The following KLHDC4 variants were observed in gnomAD, a reference collection of about 807,000 sequenced individuals.
The protein encoded by KLHDC4 is kelch domain containing 4, also known as kelch domain-containing protein 4.
Under a neutral mutation model 62.4 loss-of-function variants are expected in KLHDC4, and 90 were observed. The ratio of observed to expected loss-of-function variants is 1.44; its 90% CI spans 1.22 to 1.72. KLHDC4 has a LOEUF of 1.72. Ranked by LOEUF, KLHDC4 falls within the 40% of genes most tolerant of loss-of-function variation. The pLI, the probability that KLHDC4 is intolerant of heterozygous loss-of-function variation, is 0.00. For synonymous variants in KLHDC4, 386 were observed against 284.4 expected (o/e 1.36, Z -3.59); for missense variants, 1,025 against 699.7 (o/e 1.47, Z -5.25).
chr16:87,755,336 T>A, intron 3 of KLHDC4, 44 bp from the exon 4 acceptor site: 1 of 1,021,344 alleles, frequency 9.8e-7, no homozygotes. Flanking sequence ...ATGATACGCT[T>A]CCAAGGAAGT....
intron 9 of KLHDC4, chr16:87,709,941 C>G (rs1052177724): frequency 2.1e-6 from 1 of 478,780 alleles, no homozygotes; most frequent in Non-Finnish European, 3.7e-6. Flanking sequence ...CACACCTCCA[C>G]TGAGAGGTGG....
Position 87,707,958 on chromosome 16 carries a change from C to A in KLHDC4, c.*119G>T, listed in dbSNP as rs547573485. Reference sequence around the variant, plus strand: ...TCACACCCTGGCCTGGGCCACCCACCTTCAGCTCTCTCCTGTGCGTCAGGA... The same window carrying A: ...TCACACCCTGGCCTGGGCCACCCACATTCAGCTCTCTCCTGTGCGTCAGGA... On this transcript the variant is annotated 3_prime_UTR_variant, in exon 12 of 12. Transcript: ENST00000270583. 2.1e-5 allele frequency: 10 copies of A among 469,468 alleles called. No homozygotes were observed. Among genetic ancestry groups the A allele is most frequent in the South Asian group, 1.5e-4 (10 of 64,670 alleles). The allele number at this position is 469,468 out of a possible 1,614,324, so 29.1% of individuals were successfully genotyped here. A position where few individuals can be genotyped will look rare whatever the true frequency, so the allele number is the denominator to read the frequency against.
rs148947269 is a variant in KLHDC4 at position 87,748,112 on chromosome 16, T to C, written c.506+561A>G. Among the ~76,000 whole-genome samples the C allele has an allele frequency of 3.5e-3, 526 of 152,282 alleles. 5 individuals carry two copies. The highest frequency in any genetic ancestry group is 0.012 in the African/African-American group (508 of 41,554). ...GGCTCTCTACACGGAGAGACAAACATGTAGCTCTTGACTAATGGGAGACAC... is the reference window on the plus strand; with the variant it reads ...GGCTCTCTACACGGAGAGACAAACACGTAGCTCTTGACTAATGGGAGACAC... On this transcript the variant is annotated intron_variant, in intron 5 of 11. Coordinates refer to ENST00000270583, the MANE Select transcript of KLHDC4 (RefSeq NM_017566.4).
chr16:87,698,797 C>G (rs1468753207), exon 1 of KLHDC4: 4 of 152,306 alleles, frequency 2.6e-5, no homozygotes, highest in African/African-American at 4.8e-5. Flanking sequence ...AGTCCCTCCG[C>G]CCAGGCCCAG....
downstream of KLHDC4, among the ~76,000 whole-genome samples, chr16:87,707,407 C>T (rs925888538): frequency 5.3e-5 from 8 of 152,344 alleles, no homozygotes; most frequent in African/African-American, 7.2e-5. Context: ...AGAGACCACG[C>T]GGCGGCAGGT....
At chr16:87,732,736 C>G (rs1295259636) in intron 5 of KLHDC4, among the ~76,000 whole-genome samples, 2 of 152,262 alleles carry the variant, frequency 1.3e-5, no homozygotes, top group African/African-American at 2.4e-5. Flanking sequence ...CGTGAAAAGG[C>G]AGGTCCAAAG....
At chr16:87,716,088 C>T (rs187928673) in intron 7 of KLHDC4, among the ~76,000 whole-genome samples, 14 of 152,196 alleles carry the variant, frequency 9.2e-5, no homozygotes, top group Admixed American at 6.5e-5. Context: ...CTCTATGTCT[C>T]GTGGATACTG....
At chr16:87,739,627 C>T (rs984409189) in intron 5 of KLHDC4, 1 of 152,480 alleles carries the variant, frequency 6.6e-6, no homozygotes, top group Non-Finnish European at 1.4e-5. Flanking sequence ...GCACGTCATC[C>T]ATCCACACAC....
At chr16:87,747,228 G>T (rs149920138) in intron 5 of KLHDC4, among the ~76,000 whole-genome samples, 1 of 152,334 alleles carries the variant, frequency 6.6e-6, no homozygotes, top group East Asian at 1.9e-4. Context: ...TGCTGGGTTG[G>T]GTGCTGGGTT....
intron 2 of KLHDC4, among the ~76,000 whole-genome samples, chr16:87,757,641 G>C (rs1438615524): frequency 6.6e-6 from 1 of 152,066 alleles, no homozygotes; most frequent in Non-Finnish European, 1.5e-5. Flanking sequence ...TGTAATCCCA[G>C]CACTTTGGGA....
chr16:87,721,735 T>C (rs899917258), intron 7 of KLHDC4, among the ~76,000 whole-genome samples: 4 of 152,242 alleles, frequency 2.6e-5, no homozygotes, highest in Non-Finnish European at 2.9e-5. Context: ...GCCAGCATGC[T>C]CCACGGCCTC....
At chr16:87,726,161 C>G (rs1021969626) in intron 7 of KLHDC4, among the ~76,000 whole-genome samples, 1 of 151,934 alleles carries the variant, frequency 6.6e-6, no homozygotes, top group African/African-American at 2.4e-5. Context: ...CAGACAGCAG[C>G]GCCTATTTTC....
At chr16:87,715,035 G>T (rs992950534) in intron 7 of KLHDC4, among the ~76,000 whole-genome samples, 1 of 152,150 alleles carries the variant, frequency 6.6e-6, no homozygotes, top group Non-Finnish European at 1.5e-5. Context: ...TCCAAGCTTC[G>T]AAAACAACGC....
chr16:87,729,407 G>C (rs1042466571), intron 6 of KLHDC4: 2 of 152,190 alleles, frequency 1.3e-5, no homozygotes, highest in African/African-American at 4.8e-5. Context: ...TGAGGCCCCG[G>C]AGATACAGAC....
Position 87,732,814 on chromosome 16 carries a change from G to C in KLHDC4, c.507-2170C>G, listed in dbSNP as rs181427141. On this transcript the variant is annotated intron_variant, in intron 5 of 11. Transcript: ENST00000270583. ...AGCAAATCCTATCCCAGCTTCTACA[G>C]GTGAAAAGGCAGGTGCAAAGCAAAT... Among the ~76,000 whole-genome samples, 646 of 151,278 alleles carry C rather than the reference G, an allele frequency of 4.3e-3. 4 individuals carry two copies. Among genetic ancestry groups the C allele is most frequent in the African/African-American group, 0.013 (518 of 41,188 alleles).
At chr16:87,738,378 CAT>C (rs1555580709) in intron 5 of KLHDC4, among the ~76,000 whole-genome samples, 2 of 151,346 alleles carry the variant, frequency 1.3e-5, no homozygotes, top group African/African-American at 4.9e-5. Context: ...CACACACACA[CAT>C]CTATATCTTC....
intron 5 of KLHDC4, among the ~76,000 whole-genome samples, chr16:87,744,627 T>C (rs1375901536): frequency 2.7e-5 from 4 of 147,904 alleles, no homozygotes; most frequent in Admixed American, 2.7e-4. Flanking sequence ...GTAAAGCTCA[T>C]AAAAACAAAA....
intron 4 of KLHDC4, among the ~76,000 whole-genome samples, chr16:87,749,337 C>T (rs117052222): frequency 0.05 from 7,547 of 151,996 alleles, 249 homozygotes; most frequent in Non-Finnish European, 0.078. Context: ...GGACAGATCA[C>T]GAGATCAAGA....
chr16:87,712,935 A>G (rs1246808803), intron 8 of KLHDC4, among the ~76,000 whole-genome samples: 1 of 152,208 alleles, frequency 6.6e-6, no homozygotes, highest in Non-Finnish European at 1.5e-5. Context: ...TCCTAACGGC[A>G]CTGGGGACGC....
Sources: allele counts gnomAD v4.1 joint callset (sites outside exome capture counted in the v4.1 genomes callset), GRCh38; gene constraint gnomAD v4.1.1; transcripts MANE v1.5; gene names NCBI Gene and HGNC (gene_info 2026-07-23, HGNC 2026-07-21).